The following PARD3 variants were observed in gnomAD, a reference collection of about 807,000 sequenced individuals.
The protein encoded by PARD3 is par-3 family cell polarity regulator.
PARD3 carries 75 observed loss-of-function variants against 155.4 expected under a neutral mutation model. The observed-to-expected ratio is 0.48, with a 90% CI of 0.40 to 0.58. PARD3 has a LOEUF of 0.58. Among genes scored for constraint, PARD3 ranks in the 20% least tolerant of loss-of-function variants. The pLI, the probability that PARD3 is intolerant of heterozygous loss-of-function variation, is 0.00. For synonymous variants in PARD3, 576 were observed against 610.5 expected, an observed-to-expected ratio of 0.94 and a Z score of 0.83; for missense variants, 1,642 against 1,721.7, an observed-to-expected ratio of 0.95 and a Z score of 0.82.
At chr10:34,254,580 A>G (rs1056644713) in intron 22 of PARD3, among the ~76,000 whole-genome samples, 5 of 134,462 alleles carry the variant, frequency 3.7e-5, no homozygotes, top group East Asian at 4.5e-4. Flanking sequence ...GTGTGTGTGT[A>G]TAAAAATTTA....
At chr10:34,542,303 C>T (rs1169000032) in intron 2 of PARD3, among the ~76,000 whole-genome samples, 3 of 150,842 alleles carry the variant, frequency 2.0e-5, no homozygotes, top group Non-Finnish European at 4.4e-5. Context: ...TTTACTCTAG[C>T]GTAGTGATTC....
chr10:34,265,165 C>A (rs941741949), intron 22 of PARD3, among the ~76,000 whole-genome samples: 10 of 152,152 alleles, frequency 6.6e-5, no homozygotes, highest in Non-Finnish European at 4.4e-5. Flanking sequence ...ACCCACGACA[C>A]TAATAAACAG....
At chr10:34,700,170 G>T (rs1349592290) in intron 1 of PARD3, among the ~76,000 whole-genome samples, 1 of 152,070 alleles carries the variant, frequency 6.6e-6, no homozygotes, top group Non-Finnish European at 1.5e-5. Flanking sequence ...ATGGGGCAAG[G>T]CTCCCAAGGA....
At chr10:34,726,453 GCACAC>G in intron 1 of PARD3, among the ~76,000 whole-genome samples, 1 of 152,312 alleles carries the variant, frequency 6.6e-6, no homozygotes, top group African/African-American at 2.4e-5. Flanking sequence ...AGGCGTGGTG[GCACAC>G]ACCCATAATC....
chr10:34,139,553 C>G (rs1166032750), intron 22 of PARD3, among the ~76,000 whole-genome samples: 1 of 152,192 alleles, frequency 6.6e-6, no homozygotes, highest in African/African-American at 2.4e-5. Context: ...TAAGTCCAAA[C>G]TTCAGCTATT....
At chr10:34,753,282 C>G (rs952134141) in intron 1 of PARD3, among the ~76,000 whole-genome samples, 1 of 152,184 alleles carries the variant, frequency 6.6e-6, no homozygotes, top group Admixed American at 6.5e-5. Flanking sequence ...CTGGGGACAC[C>G]CTTGGAGAAG....
At chr10:34,349,806 T>G (rs943458278) in intron 14 of PARD3, among the ~76,000 whole-genome samples, 1 of 152,140 alleles carries the variant, frequency 6.6e-6, no homozygotes, top group Non-Finnish European at 1.5e-5. Flanking sequence ...TTGAACTGTA[T>G]AATGCTGCAA....
At chr10:34,482,677 A>T (rs990922877) in intron 3 of PARD3, among the ~76,000 whole-genome samples, 1 of 152,150 alleles carries the variant, frequency 6.6e-6, no homozygotes, top group African/African-American at 2.4e-5. Context: ...TTATGGAATT[A>T]TTTTTCTAGA....
At chr10:34,469,259 T>C (rs2078199110) in intron 4 of PARD3, among the ~76,000 whole-genome samples, 1 of 152,152 alleles carries the variant, frequency 6.6e-6, no homozygotes, top group South Asian at 2.1e-4. Context: ...TACAGGTGCA[T>C]GCCAGCACAC....
intron 22 of PARD3, among the ~76,000 whole-genome samples, chr10:34,265,873 C>T (rs1955275423): frequency 6.6e-6 from 1 of 152,094 alleles, no homozygotes; most frequent in Non-Finnish European, 1.5e-5. Flanking sequence ...GGCTGCTGAA[C>T]AGGAACATAC....
At chr10:34,304,527 T>C (rs1454195063) in intron 20 of PARD3, among the ~76,000 whole-genome samples, 1 of 152,162 alleles carries the variant, frequency 6.6e-6, no homozygotes, top group African/African-American at 2.4e-5. Context: ...CATAGCAATC[T>C]TGGCTCCCAC....
chr10:34,417,145 C>G (rs1845751381), intron 5 of PARD3, among the ~76,000 whole-genome samples: 1 of 151,882 alleles, frequency 6.6e-6, no homozygotes, highest in Non-Finnish European at 1.5e-5. Context: ...AAACCCTAAG[C>G]TTCAAGCCTT....
At chr10:34,179,163 TGC>T (rs72150094) in intron 22 of PARD3, among the ~76,000 whole-genome samples, 15,610 of 131,014 alleles carry the variant, frequency 0.12, 2,016 homozygotes, top group African/African-American at 0.36. Flanking sequence ...CGCATGTGCG[TGC>T]GCGCACACAC....
chr10:34,385,197 G>C (rs1482144228), intron 7 of PARD3, among the ~76,000 whole-genome samples: 2 of 152,180 alleles, frequency 1.3e-5, no homozygotes, highest in Non-Finnish European at 2.9e-5. Flanking sequence ...GCAATAGCAT[G>C]ATCTTGGTTC....
chr10:34,611,730 G>A (rs932547722), intron 2 of PARD3, among the ~76,000 whole-genome samples: 3 of 151,924 alleles, frequency 2.0e-5, no homozygotes, highest in Non-Finnish European at 4.4e-5. Context: ...AAATGGGGAC[G>A]GGAGAGAGCT....
chr10:34,728,284 T>TA (rs1237351329), intron 1 of PARD3, among the ~76,000 whole-genome samples: 1 of 152,216 alleles, frequency 6.6e-6, no homozygotes, highest in Admixed American at 6.5e-5. Flanking sequence ...TACATACAAA[T>TA]ATTCTTCAGG....
At chr10:34,484,588 A>G (rs1333699597) in intron 3 of PARD3, among the ~76,000 whole-genome samples, 1 of 152,056 alleles carries the variant, frequency 6.6e-6, no homozygotes, top group African/African-American at 2.4e-5. Context: ...TTATCAACCC[A>G]TATTTTTGAG....
At chr10:34,460,751 T>C (rs2077596165) in intron 4 of PARD3, among the ~76,000 whole-genome samples, 2 of 152,030 alleles carry the variant, frequency 1.3e-5, no homozygotes, top group Admixed American at 6.6e-5. Context: ...GAGAATGGCA[T>C]GAACCTGGGA....
chr10:34,684,874 CACAT>C (rs142586093), intron 2 of PARD3, among the ~76,000 whole-genome samples: 24 of 105,788 alleles, frequency 2.3e-4, no homozygotes, highest in African/African-American at 8.2e-4. Flanking sequence ...TATATACACA[CACAT>C]ACACACACAC....
Sources: gnomAD v4.1 joint callset for allele counts (sites outside exome capture counted in the v4.1 genomes callset) on GRCh38, gnomAD v4.1.1 for gene constraint, MANE v1.5 for transcripts, NCBI Gene and HGNC (gene_info 2026-07-23, HGNC 2026-07-21) for gene names.